The following UGGT1 variants were observed in gnomAD, a reference collection of about 807,000 sequenced individuals.
The protein encoded by UGGT1 is UDP-glucose:glycoprotein glucosyltransferase 1.
A neutral mutation model predicts 203.9 loss-of-function variants in UGGT1; 107 were observed. The ratio of observed to expected loss-of-function variants is 0.52; its 90% confidence interval spans 0.45 to 0.62. UGGT1 has a LOEUF of 0.62. Ranked by LOEUF, UGGT1 falls within the 20% of genes least tolerant of loss-of-function variation. The pLI is 0.00. For missense variants in UGGT1, 1,673 were observed against 1,867.2 expected, an observed-to-expected ratio of 0.90 and a Z score of 1.92; for synonymous variants, 628 against 653.5, an observed-to-expected ratio of 0.96 and a Z score of 0.59.
chr2:128,154,247 C>T (rs1331569814), intron 19 of UGGT1, among the ~76,000 whole-genome samples: 1 of 152,126 alleles, frequency 6.6e-6, no homozygotes, highest in Admixed American at 6.5e-5. Context: ...GCTCTTCATC[C>T]TAAGTGTTTA....
chr2:128,160,518 T>C lies in UGGT1; in HGVS notation c.2621T>C (p.Leu874Ser). The change falls in exon 24 of 41, where the codon TTG becomes TCG. Residue 874 changes from leucine (L) to serine (S), a missense_variant. By Grantham distance (145) the Leu-to-Ser change is moderately radical (BLOSUM62 -2). Transcript: ENST00000259253. ...GAGTCTTCCAAAATGGATTTCATTTTGTCTCATGCCGTGTACTGCAGGGAT... is the reference window on the plus strand; with the variant it reads ...GAGTCTTCCAAAATGGATTTCATTTCGTCTCATGCCGTGTACTGCAGGGAT... ...VFESSKMDFI[L>S]SHAVYCRDVL... 6.2e-7 allele frequency: 1 copy of C among 1,613,230 alleles called. No homozygotes were observed. The highest frequency in any genetic ancestry group is 1.1e-5 in the South Asian group (1 of 90,938).
At chr2:128,155,662 A>C in intron 20 of UGGT1, 75 bp downstream of exon 20, 1 of 1,153,688 alleles carries the variant, frequency 8.7e-7, no homozygotes, top group Admixed American at 2.2e-5. Context: ...TTAATGTGCA[A>C]ATTAAGAGAG....
At chr2:128,154,573 A>G (rs1162924916) in intron 19 of UGGT1, among the ~76,000 whole-genome samples, 1 of 152,176 alleles carries the variant, frequency 6.6e-6, no homozygotes, top group Non-Finnish European at 1.5e-5. Context: ...TTTTAATTTT[A>G]TACTAATTTT....
intron 1 of UGGT1, among the ~76,000 whole-genome samples, chr2:128,091,764 C>T (rs1417930070): frequency 6.6e-6 from 1 of 152,138 alleles, no homozygotes; most frequent in Non-Finnish European, 1.5e-5. Flanking sequence ...CTTTGCAGGA[C>T]CCTGATTGCA....
chr2:128,169,249 T>A lies in UGGT1; in HGVS notation c.2922-1039T>A, dbSNP rs560530129. On this transcript the variant is annotated intron_variant, in intron 26 of 40. Coordinates refer to ENST00000259253, the MANE Select transcript of UGGT1 (RefSeq NM_020120.4). ...AGCCCGGCATGGTGGCATGTGTCTG[T>A]AGTCCTAGCTACTTAGGAGGCTAAG... is the stretch of plus-strand genomic sequence containing the variant. 2.1e-3 allele frequency among the ~76,000 whole-genome samples: 315 copies of A among 152,094 alleles called. 1 individual carries two copies. The highest frequency in any genetic ancestry group is 7.3e-3 in the African/African-American group (301 of 41,478).
intron 18 of UGGT1, among the ~76,000 whole-genome samples, chr2:128,150,985 A>C (rs1243941636): frequency 1.3e-5 from 2 of 151,870 alleles, no homozygotes; most frequent in Non-Finnish European, 2.9e-5. Context: ...TGAGTAGCTG[A>C]GATTACAGGC....
chr2:128,146,650 C>T (rs1465895848), intron 18 of UGGT1, among the ~76,000 whole-genome samples: 1 of 152,104 alleles, frequency 6.6e-6, no homozygotes, highest in Admixed American at 6.6e-5. Flanking sequence ...TTTTTATTCT[C>T]TACACACAGT....
At chr2:128,155,811 T>C (rs1175933972) in intron 20 of UGGT1, among the ~76,000 whole-genome samples, 1 of 152,014 alleles carries the variant, frequency 6.6e-6, no homozygotes, top group Admixed American at 6.5e-5. Context: ...TCATAAATTT[T>C]GTATTACCTG....
chr2:128,122,159 A>G (rs1688410810), intron 10 of UGGT1, among the ~76,000 whole-genome samples: 1 of 152,056 alleles, frequency 6.6e-6, no homozygotes, highest in South Asian at 2.1e-4. Flanking sequence ...TTTTTAGTAG[A>G]GACAGGGTTT....
At chr2:128,121,361 A>G in intron 10 of UGGT1, 63 bp downstream of exon 10, 1 of 1,200,990 alleles carries the variant, frequency 8.3e-7, no homozygotes, top group South Asian at 1.5e-5. Flanking sequence ...TTCACTTGCC[A>G]AATGAGGTAA....
rs566620033 is a variant in UGGT1, at chr2:128,159,665, A to G, written c.2507A>G (p.Glu836Gly). 1 of 1,614,090 alleles carries G rather than the reference A, an allele frequency of 6.2e-7. No homozygotes were observed. The change falls in exon 23 of 41, where the codon GAG becomes GGG. Residue 836 changes from glutamate (E) to glycine (G), a missense_variant. By Grantham distance (98) the Glu-to-Gly change is moderately conservative. Transcript: ENST00000259253. ...AKNFITKMAKEGAAEALAAGA... is the reference protein window; with the variant it reads ...AKNFITKMAKGGAAEALAAGA... The stretch of plus-strand genomic sequence containing the variant: ...AACTTCATCACCAAAATGGCCAAGG[A>G]GGGGGCTGCAGAGGCCCTGGCTGCA...
At chr2:128,179,698 A>G (rs966472073) in intron 34 of UGGT1, 88 bp from the exon 35 acceptor site, 1 of 1,130,178 alleles carries the variant, frequency 8.8e-7, no homozygotes, top group Middle Eastern at 2.0e-4. Context: ...CGTAAAGAGC[A>G]TTTAGGTGTC....
chr2:128,156,457 C>G, intron 21 of UGGT1, 42 bp downstream of exon 21: 1 of 1,496,684 alleles, frequency 6.7e-7, no homozygotes, highest in South Asian at 1.2e-5. Flanking sequence ...TAATTTTCTT[C>G]TTTGGTTTCA....
rs1689430145 is a variant in UGGT1, at chr2:128,141,616, C to CA, written c.1720-1473dup. Among the ~76,000 whole-genome samples, 5 of 146,638 alleles carry CA rather than the reference C, an allele frequency of 3.4e-5. No individual in the cohort carries two copies. The South Asian group carries it at 1.1e-3, about 34-fold the overall frequency. The stretch of plus-strand genomic sequence containing the variant: ...CGAGACTCCATCTCAAAAAACAAAA[C>CA]AAAAATTAACCAGACATAGTGGCAG... On this transcript the variant is annotated intron_variant, in intron 16 of 40. Coordinates refer to ENST00000259253, the MANE Select transcript of UGGT1 (RefSeq NM_020120.4).
chr2:128,177,986 C>T, intron 33 of UGGT1, 66 bp downstream of exon 33: 1 of 1,348,256 alleles, frequency 7.4e-7, no homozygotes, highest in Non-Finnish European at 1.0e-6. Flanking sequence ...ATCCATCCCT[C>T]CTTTTTGCAT....
At chr2:128,117,977 TCTGTGTGTGTGTGTGTGA>T (rs1247533775) in intron 8 of UGGT1, among the ~76,000 whole-genome samples, 1 of 96,050 alleles carries the variant, frequency 1.0e-5, no homozygotes, top group Non-Finnish European at 1.9e-5. Context: ...TGTGTGTGTG[TCTGTGTGTGTGTGTGTGA>T]GAGAGAGAGA....
chr2:128,161,032 T>C, intron 24 of UGGT1, 106 bp from the exon 25 acceptor site: 1 of 1,311,788 alleles, frequency 7.6e-7, no homozygotes, highest in East Asian at 2.4e-5. Flanking sequence ...GTCTTTAAGA[T>C]GTTCTGGCGT....
intron 25 of UGGT1, among the ~76,000 whole-genome samples, chr2:128,163,025 T>C (rs560380057): frequency 5.9e-5 from 9 of 152,358 alleles, no homozygotes; most frequent in Admixed American, 5.2e-4. Context: ...CTATCATTCA[T>C]GACCCAGTCT....
intron 33 of UGGT1, among the ~76,000 whole-genome samples, chr2:128,178,247 C>T (rs770823154): frequency 6.6e-5 from 10 of 152,226 alleles, no homozygotes; most frequent in Admixed American, 6.5e-4. Flanking sequence ...TGTTCAGTCT[C>T]TTCCTAAAAC....
Sources: allele counts gnomAD v4.1 joint callset (sites outside exome capture counted in the v4.1 genomes callset), GRCh38; gene constraint gnomAD v4.1.1; transcripts MANE v1.5; gene names NCBI Gene and HGNC (gene_info 2026-07-23, HGNC 2026-07-21).